The following CCDC158 variants were observed in gnomAD, a reference collection of about 807,000 sequenced individuals.
The protein encoded by CCDC158 is coiled-coil domain-containing protein 158.
CCDC158 carries 116 observed loss-of-function variants against 138.6 expected under a neutral mutation model. The ratio of observed to expected loss-of-function variants is 0.84; its 90% confidence interval spans 0.72 to 0.98. The LOEUF (loss-of-function observed/expected upper bound fraction) is 0.98. Among genes scored for constraint, CCDC158 ranks in the 50% least tolerant of loss-of-function variants. The pLI is 0.00. For missense variants in CCDC158, 1,265 were observed against 1,306.1 expected, an observed-to-expected ratio of 0.97 and a Z score of 0.48; for synonymous variants, 436 against 442.4, an observed-to-expected ratio of 0.99 and a Z score of 0.18.
intron 20 of CCDC158, 110 bp from the exon 21 acceptor site, chr4:76,331,513 A>G (rs1721009413): frequency 1.2e-6 from 1 of 816,228 alleles, no homozygotes; most frequent in Non-Finnish European, 2.1e-6. Context: ...GTGAAATGGT[A>G]TCATCTGACA....
chr4:76,339,661 T>A (rs945781880), intron 18 of CCDC158, among the ~76,000 whole-genome samples: 4 of 152,198 alleles, frequency 2.6e-5, no homozygotes, highest in African/African-American at 7.2e-5. Flanking sequence ...TCATTTTGTG[T>A]TGGTATATGC....
chr4:76,409,505 G>T (rs971598818), intron 2 of CCDC158, among the ~76,000 whole-genome samples: 2 of 152,118 alleles, frequency 1.3e-5, no homozygotes, highest in Non-Finnish European at 2.9e-5. Flanking sequence ...ATTATGAACA[G>T]GTTCACATTA....
intron 18 of CCDC158, among the ~76,000 whole-genome samples, chr4:76,349,389 C>T: frequency 6.6e-6 from 1 of 152,156 alleles, no homozygotes; most frequent in East Asian, 1.9e-4. Flanking sequence ...TAAGCTGAGG[C>T]CAAGAGCAGT....
intron 18 of CCDC158, among the ~76,000 whole-genome samples, chr4:76,339,397 TAA>T (rs1404424711): frequency 6.6e-6 from 1 of 152,216 alleles, no homozygotes; most frequent in Admixed American, 6.5e-5. Context: ...GCTAGCACCG[TAA>T]CTAGACATAC....
chr4:76,380,720 G>A (rs150365254), intron 8 of CCDC158, among the ~76,000 whole-genome samples: 6 of 152,304 alleles, frequency 3.9e-5, no homozygotes, highest in African/African-American at 9.6e-5. Flanking sequence ...AAGAAGAGGT[G>A]CAAGACAATG....
intron 18 of CCDC158, among the ~76,000 whole-genome samples, chr4:76,338,937 A>G (rs1000260270): frequency 6.6e-6 from 1 of 152,256 alleles, no homozygotes; most frequent in Non-Finnish European, 1.5e-5. Flanking sequence ...AAGACTGCCA[A>G]CGAAAAGAAA....
intron 3 of CCDC158, among the ~76,000 whole-genome samples, chr4:76,402,538 C>A (rs1728488420): frequency 6.6e-6 from 1 of 152,254 alleles, no homozygotes; most frequent in African/African-American, 2.4e-5. Flanking sequence ...TTGGTAATTT[C>A]TGTGTTGTTT....
intron 24 of CCDC158, among the ~76,000 whole-genome samples, chr4:76,315,825 C>T (rs891096077): frequency 3.3e-5 from 5 of 152,126 alleles, no homozygotes; most frequent in African/African-American, 9.7e-5. Context: ...GCACCAGCCC[C>T]GAGTCTGGTA....
Position 76,416,078 on chromosome 4 carries a change from G to T in CCDC158, c.-116-3946C>A, listed in dbSNP as rs1729674616. ...TGGCTCTGCCTTTTAGATAGCAGTA[G>T]CAAATTAGTGAAAGTACTAGAAGTC... On this transcript the variant is annotated intron_variant, in intron 1 of 24. Transcript: ENST00000682701. Among the ~76,000 whole-genome samples the T allele has an allele frequency of 2.6e-5, 4 of 152,270 alleles. 1 individual carries two copies. In the South Asian group the frequency reaches 8.3e-4, roughly 32 times the overall value.
intron 4 of CCDC158, among the ~76,000 whole-genome samples, chr4:76,395,188 T>C (rs1458699447): frequency 6.6e-6 from 1 of 152,226 alleles, no homozygotes; most frequent in Non-Finnish European, 1.5e-5. Flanking sequence ...CGTTTGTCTA[T>C]ATATACAACT....
At chr4:76,420,397 A>G (rs758694291) in intron 1 of CCDC158, among the ~76,000 whole-genome samples, 3 of 152,200 alleles carry the variant, frequency 2.0e-5, no homozygotes, top group Non-Finnish European at 2.9e-5. Flanking sequence ...GGCACAAACA[A>G]AACCTGGAGC....
chr4:76,330,778 T>C (rs533721389), intron 21 of CCDC158, among the ~76,000 whole-genome samples: 5 of 152,120 alleles, frequency 3.3e-5, no homozygotes, highest in Non-Finnish European at 5.9e-5. Flanking sequence ...GCAAATACTA[T>C]GCCATTTTAT....
chr4:76,354,392 G>C (rs1723342387), intron 15 of CCDC158, among the ~76,000 whole-genome samples: 1 of 152,160 alleles, frequency 6.6e-6, no homozygotes, highest in Non-Finnish European at 1.5e-5. Flanking sequence ...CAAATACTCT[G>C]AAGTATTTTG....
intron 18 of CCDC158, among the ~76,000 whole-genome samples, chr4:76,337,050 G>A (rs998130352): frequency 6.6e-6 from 1 of 152,062 alleles, no homozygotes; most frequent in Admixed American, 6.5e-5. Context: ...ATGCGATCAC[G>A]GATCACTGCC....
intron 14 of CCDC158, among the ~76,000 whole-genome samples, 174 bp downstream of exon 14, chr4:76,357,200 A>G (rs536479755): frequency 3.0e-4 from 46 of 152,358 alleles, no homozygotes; most frequent in African/African-American, 1.1e-3. Context: ...AATTTCCTAA[A>G]AACAATTAAC....
At chr4:76,366,091 C>G (rs1183465631) in intron 12 of CCDC158, among the ~76,000 whole-genome samples, 1 of 152,176 alleles carries the variant, frequency 6.6e-6, no homozygotes, top group Non-Finnish European at 1.5e-5. Context: ...CCTTAACACA[C>G]TAGCAATCCA....
At position 76,375,530 on chromosome 4, in the gene CCDC158, T is replaced by A. The variant is rs1029688677; in HGVS notation, c.1029+3760A>T. 15 of 701,806 alleles carry A rather than the reference T, an allele frequency of 2.1e-5. No homozygotes were observed. In the East Asian group the frequency reaches 3.2e-4, roughly 15 times the overall value. 43.5% of individuals were successfully genotyped at this position (701,806 alleles called of 1,614,324 possible). A position where few individuals can be genotyped will look rare whatever the true frequency, so the allele number is the denominator to read the frequency against. ...CAGTGCTACTAAATCATCACTTTTTTAATACAAAATTCAGCCCCAACTGCT... is the reference window on the plus strand; with the variant it reads ...CAGTGCTACTAAATCATCACTTTTTAAATACAAAATTCAGCCCCAACTGCT... On this transcript the variant is annotated intron_variant, in intron 9 of 24. Transcript: ENST00000682701.
rs192165050 is a variant in CCDC158 at position 76,326,177 on chromosome 4, G to T, written c.3011-162C>A. On this transcript the variant is annotated intron_variant, in intron 22 of 24. Transcript: ENST00000682701. ...AGATTTGGGGTTGGAACTGAAAAGG[G>T]TTACGCCTTGGGAATAAGGGTGAAC... is the stretch of plus-strand genomic sequence containing the variant. Among the ~76,000 whole-genome samples, 601 of 152,268 alleles carry T rather than the reference G, an allele frequency of 3.9e-3. 3 individuals are homozygous for T. The highest frequency in any genetic ancestry group is 0.014 in the African/African-American group (570 of 41,552).
intron 18 of CCDC158, among the ~76,000 whole-genome samples, chr4:76,339,993 G>A (rs1006408748): frequency 5.9e-5 from 9 of 152,106 alleles, no homozygotes; most frequent in South Asian, 2.1e-4. Context: ...TATGAGAGCC[G>A]CTCCAGAGAT....
Sources: gnomAD v4.1 joint callset for allele counts (sites outside exome capture counted in the v4.1 genomes callset) on GRCh38, gnomAD v4.1.1 for gene constraint, MANE v1.5 for transcripts, NCBI Gene and HGNC (gene_info 2026-07-23, HGNC 2026-07-21) for gene names.